PIGU: variants seen among roughly 807,000 people sequenced by gnomAD.
PIGU encodes phosphatidylinositol glycan anchor biosynthesis class U, also known as GPI-anchor transamidase component PIGU.
In PIGU, 24 loss-of-function variants were observed where a neutral mutation model predicts 49.9. That is an observed-to-expected ratio of 0.48 (90% CI 0.35 to 0.68). PIGU has a LOEUF of 0.68. Ranked by LOEUF, PIGU falls within the 30% of genes least tolerant of loss-of-function variation. The pLI, the probability that PIGU is intolerant of heterozygous loss-of-function variation, is 0.01. For missense variants in PIGU, 490 were observed against 532.6 expected, an observed-to-expected ratio of 0.92 and a Z score of 0.79; for synonymous variants, 220 against 205.7, an observed-to-expected ratio of 1.07 and a Z score of -0.59.
At chr20:34,645,198 AAAAAAG>A in intron 3 of PIGU, 71 bp downstream of exon 3, 6 of 1,405,536 alleles carry the variant, frequency 4.3e-6, no homozygotes, top group Non-Finnish European at 4.7e-6. Context: ...AAAAAAAAAA[AAAAAAG>A]AGAGAGAGAG....
At chr20:34,586,793 G>C (rs1983713843) in intron 8 of PIGU, among the ~76,000 whole-genome samples, 2 of 152,148 alleles carry the variant, frequency 1.3e-5, no homozygotes, top group African/African-American at 4.8e-5. Flanking sequence ...TTTTCAAACT[G>C]TCAGAGGCCC....
At chr20:34,601,344 T>C (rs184760626) in intron 7 of PIGU, among the ~76,000 whole-genome samples, 1 of 152,340 alleles carries the variant, frequency 6.6e-6, no homozygotes, top group African/African-American at 2.4e-5. Flanking sequence ...TTGAAGTATG[T>C]ACTGCATCTA....
At chr20:34,660,621 A>C (rs1986901905) in intron 1 of PIGU, among the ~76,000 whole-genome samples, 1 of 152,204 alleles carries the variant, frequency 6.6e-6, no homozygotes, top group Non-Finnish European at 1.5e-5. Context: ...ACCTCAGTCT[A>C]ACTGTGAGAA....
chr20:34,584,637 G>T (rs1369281028), intron 9 of PIGU, among the ~76,000 whole-genome samples: 6 of 147,656 alleles, frequency 4.1e-5, no homozygotes, highest in Admixed American at 6.8e-5. Flanking sequence ...AGCCTCCCAA[G>T]CAGCTGGGAC....
chr20:34,614,690 A>G (rs1984942878), intron 7 of PIGU, among the ~76,000 whole-genome samples: 1 of 152,168 alleles, frequency 6.6e-6, no homozygotes, highest in Admixed American at 6.6e-5. Flanking sequence ...CATATCTCAA[A>G]CATAAATAAA....
chr20:34,666,783 A>G (rs1192798700), intron 1 of PIGU, among the ~76,000 whole-genome samples: 1 of 130,076 alleles, frequency 7.7e-6, no homozygotes, highest in Non-Finnish European at 1.5e-5. Context: ...TGCAAACTCC[A>G]CCTCCCGGGT....
intron 10 of PIGU, among the ~76,000 whole-genome samples, chr20:34,580,909 G>A (rs1983434817): frequency 6.6e-6 from 1 of 152,172 alleles, no homozygotes; most frequent in Non-Finnish European, 1.5e-5. Context: ...CAGTGGGCAG[G>A]GAAGTCTAAC....
At chr20:34,564,392 G>C (rs1982657095) in intron 11 of PIGU, among the ~76,000 whole-genome samples, 2 of 152,232 alleles carry the variant, frequency 1.3e-5, no homozygotes, top group Non-Finnish European at 1.5e-5. Context: ...AACTAGCTGG[G>C]AATGGTGGCT....
chr20:34,651,104 C>A (rs1763209092), intron 2 of PIGU, among the ~76,000 whole-genome samples: 1 of 152,128 alleles, frequency 6.6e-6, no homozygotes, highest in Admixed American at 6.5e-5. Flanking sequence ...GAAAAGATTT[C>A]TTTAAGCTGG....
Position 34,575,363 on chromosome 20 carries a change from G to A in PIGU, c.1052-117C>T, listed in dbSNP as rs145483766. 53 of 1,277,404 alleles carry A rather than the reference G, an allele frequency of 4.1e-5. No individual in the cohort carries two copies. The African/African-American group carries it at 7.3e-4, about 18-fold the overall frequency. The allele number at this position is 1,277,404 out of a possible 1,614,324, so 79.1% of individuals were successfully genotyped here. On this transcript the variant is annotated intron_variant, in intron 10 of 11. Transcript: ENST00000217446. ...GTGAGCATCATGTAGCTCAAAGGCA[G>A]AGCACCCCCAGAGGTACTGGGGTGC...
At chr20:34,569,780 G>A (rs1982927992) in intron 11 of PIGU, among the ~76,000 whole-genome samples, 1 of 152,192 alleles carries the variant, frequency 6.6e-6, no homozygotes, top group South Asian at 2.1e-4. Flanking sequence ...GGTTTCTGAT[G>A]CCAGCTCATT....
chr20:34,627,931 T>C (rs1278810290), intron 6 of PIGU, among the ~76,000 whole-genome samples: 1 of 152,150 alleles, frequency 6.6e-6, no homozygotes, highest in Non-Finnish European at 1.5e-5. Context: ...TATCTAGCCA[T>C]TTTAAGTAAT....
At chr20:34,637,523 A>G (rs2089113315) in intron 5 of PIGU, among the ~76,000 whole-genome samples, 1 of 152,242 alleles carries the variant, frequency 6.6e-6, no homozygotes, top group Non-Finnish European at 1.5e-5. Context: ...GCTGCTTGAA[A>G]TGGCAGCCAC....
intron 2 of PIGU, among the ~76,000 whole-genome samples, chr20:34,649,284 A>G (rs151168726): frequency 9.3e-4 from 142 of 152,028 alleles, no homozygotes; most frequent in Middle Eastern, 3.4e-3. Context: ...AATTTCATCC[A>G]TAATCTCCTC....
At chr20:34,638,074 G>A (rs1262542671) in intron 4 of PIGU, 89 bp from the exon 5 acceptor site, 2 of 1,458,556 alleles carry the variant, frequency 1.4e-6, no homozygotes, top group Admixed American at 5.7e-5. Flanking sequence ...TCCTTTCCAT[G>A]GCCCACATGG....
At chr20:34,594,832 C>T (rs183550302) in intron 7 of PIGU, among the ~76,000 whole-genome samples, 22 of 152,130 alleles carry the variant, frequency 1.4e-4, no homozygotes, top group African/African-American at 4.8e-4. Context: ...GTGGCTCACG[C>T]CTGTAATCCC....
chr20:34,625,388 A>C (rs73105074), intron 6 of PIGU, among the ~76,000 whole-genome samples: 3,243 of 151,734 alleles, frequency 0.021, 55 homozygotes, highest in Non-Finnish European at 0.034. Context: ...AAAAACAAAA[A>C]AAAAAAAACT....
At chr20:34,659,403 C>A (rs2146787157) in intron 1 of PIGU, among the ~76,000 whole-genome samples, 1 of 148,656 alleles carries the variant, frequency 6.7e-6, no homozygotes, top group African/African-American at 2.5e-5. Flanking sequence ...TCTGCCCGGC[C>A]AGCCGCCCGG....
intron 11 of PIGU, chr20:34,562,291 G>A: frequency 2.2e-6 from 1 of 449,774 alleles, no homozygotes; most frequent in Non-Finnish European, 2.9e-6. Context: ...GGCACCTGGA[G>A]GCCTCAGAGG....
Sources: allele counts gnomAD v4.1 joint callset (sites outside exome capture counted in the v4.1 genomes callset), GRCh38; gene constraint gnomAD v4.1.1; transcripts MANE v1.5; gene names NCBI Gene and HGNC (gene_info 2026-07-23, HGNC 2026-07-21).